EIF3L: variants seen among roughly 807,000 people sequenced by gnomAD.
EIF3L encodes eukaryotic translation initiation factor 3 subunit L.
Under a neutral mutation model 74.6 loss-of-function variants are expected in EIF3L, and 32 were observed. That is an observed-to-expected ratio of 0.43 (90% CI 0.32 to 0.58). EIF3L has a LOEUF of 0.58. EIF3L is among the 20% of genes least tolerant of loss of function. The pLI, the probability that EIF3L is intolerant of heterozygous loss-of-function variation, is 0.06. For missense variants in EIF3L, 474 were observed against 707.8 expected (o/e 0.67, Z 3.75); for synonymous variants, 256 against 254.4 (o/e 1.01, Z -0.06).
At chr22:37,886,957 C>A in intron 12 of EIF3L, 112 bp downstream of exon 12, 1 of 792,326 alleles carries the variant, frequency 1.3e-6, no homozygotes, top group Non-Finnish European at 1.9e-6. Context: ...GAGATGGAGT[C>A]TTGTGCTGTC....
chr22:37,867,838 C>G (rs1926234627), intron 7 of EIF3L, among the ~76,000 whole-genome samples: 2 of 150,848 alleles, frequency 1.3e-5, no homozygotes, highest in Admixed American at 6.6e-5. Flanking sequence ...GCCTGTAGTC[C>G]CAGCTACTCA....
chr22:37,888,284 A>T (rs565525166), intron 12 of EIF3L, 142 bp from the exon 13 acceptor site: 1 of 761,244 alleles, frequency 1.3e-6, no homozygotes, highest in African/African-American at 1.7e-5. Flanking sequence ...GGCTTTGCAC[A>T]CACATAGTGG....
At chr22:37,850,219 A>C (rs534080401) in intron 2 of EIF3L, among the ~76,000 whole-genome samples, 156 bp downstream of exon 2, 1 of 152,324 alleles carries the variant, frequency 6.6e-6, no homozygotes, top group East Asian at 1.9e-4. Flanking sequence ...ATAAAGCCTA[A>C]TAAACCAGGC....
In EIF3L at chr22:37,878,159, C is replaced by T. The variant is rs1217681869; in HGVS notation, c.1563C>T (p.Phe521=). The change falls in exon 11 of 13, where the codon TTC becomes TTT. Residue 521 remains phenylalanine, a synonymous_variant. Coordinates refer to ENST00000652021, the MANE Select transcript of EIF3L (RefSeq NM_016091.4). ...TTCAGTCAGCCTCAGAGGTTGACTT[C>T]TACATTGATAAGGTATGCCTGTCCC... The part of the protein sequence containing the change: ...GEFQSASEVD[F]YIDKDMIHIA... 1 of 1,608,086 alleles carries T rather than the reference C, an allele frequency of 6.2e-7. No individual in the cohort carries two copies. The highest frequency in any genetic ancestry group is 8.5e-7 in the Non-Finnish European group (1 of 1,176,308).
chr22:37,862,998 A>T lies in EIF3L; in HGVS notation c.465A>T (p.Glu155Asp). 9 of 1,613,342 alleles carry T rather than the reference A, an allele frequency of 5.6e-6. No homozygotes were observed. Among genetic ancestry groups the T allele is most frequent in the Non-Finnish European group, 6.8e-6 (8 of 1,179,780 alleles). ...SGGPSLEQRF[E>D]SYYNYCNLFN... ...GACCTTCCTTGGAGCAGAGGTTTGA[A>T]TCCTATTACAACTACTGCAATCTCT... is the stretch of plus-strand genomic sequence containing the variant. Residue 155 changes from glutamate (E) to aspartate (D), a missense_variant, in exon 6 of 13, where the codon GAA (glutamate) becomes GAT (aspartate). Physicochemically the swap from Glu to Asp is conservative, Grantham distance 45. Coordinates refer to ENST00000652021, the MANE Select transcript of EIF3L (RefSeq NM_016091.4).
intron 6 of EIF3L, 36 bp from the exon 7 acceptor site, chr22:37,863,236 G>A (rs372075058): frequency 5.7e-6 from 9 of 1,573,946 alleles, no homozygotes; most frequent in Non-Finnish European, 7.0e-6. Context: ...CAGAGTCATT[G>A]CTTTGAATCT....
chr22:37,860,731 A>C (rs1029829107), intron 5 of EIF3L, among the ~76,000 whole-genome samples: 19 of 152,104 alleles, frequency 1.2e-4, no homozygotes, highest in African/African-American at 4.6e-4. Flanking sequence ...CACCTAGTTG[A>C]AGTCATTATC....
Position 37,858,634 on chromosome 22 carries a change from C to T in EIF3L, c.374-45C>T, listed in dbSNP as rs373876193. The T allele has an allele frequency of 1.2e-5, 19 of 1,566,508 alleles. No homozygotes were observed. In the African/African-American group the frequency reaches 2.5e-4, roughly 20 times the overall value. On this transcript the variant is annotated intron_variant, in intron 4 of 12. Coordinates refer to ENST00000652021, the MANE Select transcript of EIF3L (RefSeq NM_016091.4). The stretch of plus-strand genomic sequence containing the variant: ...CAAAGAGCTAAAGCTGCCAGGATAC[C>T]CCAGTTTTATGGTTAGTGAAGCACC...
intron 11 of EIF3L, chr22:37,881,959 G>T (rs567162721): frequency 1.3e-5 from 2 of 152,138 alleles, no homozygotes; most frequent in East Asian, 1.9e-4. Context: ...TTGAGCCCAG[G>T]AGTTCAAGAC....
Position 37,877,555 on chromosome 22 carries a change from G to A in EIF3L, c.1078-119G>A, listed in dbSNP as rs1926816389. 6 of 1,238,236 alleles carry A rather than the reference G, an allele frequency of 4.8e-6. No individual in the cohort carries two copies. In the South Asian group the frequency reaches 7.6e-5, roughly 16 times the overall value. The allele number at this position is 1,238,236 out of a possible 1,614,324, so 76.7% of individuals were successfully genotyped here. On this transcript the variant is annotated intron_variant, in intron 10 of 12. Coordinates refer to ENST00000652021, the MANE Select transcript of EIF3L (RefSeq NM_016091.4). ...GAGATGTTGGGGAAGTTCAATGGCT[G>A]GTATGAAACAACTGGGTAAGTCAAA...
intron 7 of EIF3L, 52 bp downstream of exon 7, chr22:37,863,397 A>G: frequency 7.1e-7 from 1 of 1,413,444 alleles, no homozygotes; most frequent in Non-Finnish European, 9.9e-7. Context: ...TGCCAGGAAT[A>G]GCTGTTACTA....
At chr22:37,886,923 A>G in intron 12 of EIF3L, 78 bp downstream of exon 12, 2 of 1,172,738 alleles carry the variant, frequency 1.7e-6, no homozygotes, top group Non-Finnish European at 2.4e-6. Context: ...ACTTTTTTTT[A>G]ATTTTTATTC....
rs1390431733 is a variant in EIF3L, at chr22:37,878,080, A to C, written c.1484A>C (p.His495Pro). ...CGGATCCAGCTTCTTGTCTTCAAAC[A>C]CAAGATGAAGAACCTCGTGTGGACC... ...EFRIQLLVFK[H>P]KMKNLVWTSG... The change falls in exon 11 of 13, where the codon CAC (histidine) becomes CCC (proline). Residue 495 changes from histidine to proline, a missense_variant. Coordinates refer to ENST00000652021, the MANE Select transcript of EIF3L (RefSeq NM_016091.4). 6.2e-7 allele frequency: 1 copy of C among 1,614,028 alleles called. No homozygotes were observed. The highest frequency in any genetic ancestry group is 8.5e-7 in the Non-Finnish European group (1 of 1,180,034).
chr22:37,863,296 A>G lies in EIF3L; in HGVS notation c.530A>G (p.Glu177Gly). Reference protein sequence around the residue: ...ILNADGPAPLELPNQWLWDII... With the variant: ...ILNADGPAPLGLPNQWLWDII... Reference sequence around the variant, plus strand: ...GATGCCGATGGTCCTGCTCCCCTTGAACTACCCAACCAGTGGCTCTGGGAT... The same window carrying G: ...GATGCCGATGGTCCTGCTCCCCTTGGACTACCCAACCAGTGGCTCTGGGAT... Residue 177 changes from glutamate to glycine, a missense_variant, in exon 7 of 13, where the codon GAA becomes GGA. Glu to Gly is a moderately conservative substitution (Grantham distance 98). Transcript: ENST00000652021. 6.2e-7 allele frequency: 1 copy of G among 1,613,900 alleles called. No homozygotes were observed. Among genetic ancestry groups the G allele is most frequent in the Non-Finnish European group, 8.5e-7 (1 of 1,179,950 alleles).
Position 37,870,235 on chromosome 22 carries a change from CT to C in EIF3L, c.642del (p.Leu215PhefsTer21). 6.2e-7 allele frequency: 1 copy of C among 1,613,938 alleles called. No individual in the cohort carries two copies. Among genetic ancestry groups the C allele is most frequent in the Non-Finnish European group, 8.5e-7 (1 of 1,179,886 alleles). ...TAKKSEEEID[F>X]LRSNPKIWNV... ...CCAAGAAGTCAGAGGAGGAGATTGA[CT>C]TTCTTCGTTCCAATCCCAAAATCTG... On this transcript the variant is annotated frameshift_variant, in exon 8 of 13. Transcript: ENST00000652021. LOFTEE classifies it high-confidence loss of function.
chr22:37,864,075 A>G (rs1392381680), intron 7 of EIF3L, among the ~76,000 whole-genome samples: 1 of 151,782 alleles, frequency 6.6e-6, no homozygotes, highest in Non-Finnish European at 1.5e-5. Flanking sequence ...AAAAAAAAAA[A>G]GAAAGAGTCA....
At chr22:37,879,331 T>G (rs1301879220) in intron 11 of EIF3L, 1 of 152,030 alleles carries the variant, frequency 6.6e-6, no homozygotes, top group East Asian at 1.9e-4. Flanking sequence ...AAACCCCATC[T>G]CTACTAAAAA....
intron 11 of EIF3L, chr22:37,883,339 T>C (rs1469090318): frequency 1.3e-5 from 2 of 150,678 alleles, no homozygotes; most frequent in Admixed American, 1.3e-4. Context: ...CCCAGCACTT[T>C]GGGAGGCTGA....
intron 2 of EIF3L, among the ~76,000 whole-genome samples, chr22:37,850,979 GCA>G (rs1189055215): frequency 6.6e-6 from 1 of 152,060 alleles, no homozygotes. Flanking sequence ...CCCCTCCAAC[GCA>G]CACTTTTCTA....
Sources: allele counts gnomAD v4.1 joint callset (sites outside exome capture counted in the v4.1 genomes callset), GRCh38; gene constraint gnomAD v4.1.1; transcripts MANE v1.5; gene names NCBI Gene and HGNC (gene_info 2026-07-23, HGNC 2026-07-21).